The following DPY19L2 variants were observed in gnomAD, a reference collection of about 807,000 sequenced individuals.
The protein encoded by DPY19L2 is dpy-19 like 2, also known as probable C-mannosyltransferase DPY19L2.
In DPY19L2, 34 loss-of-function variants were observed where a neutral mutation model predicts 97.9. The observed-to-expected ratio is 0.35, with a 90% CI of 0.26 to 0.46. DPY19L2 has a LOEUF of 0.46. DPY19L2 is among the 20% of genes least tolerant of loss of function. The pLI is 1.00. For synonymous variants in DPY19L2, 230 were observed against 307.9 expected (o/e 0.75, Z 2.65); for missense variants, 623 against 911.4 (o/e 0.68, Z 4.07).
chr12:63,579,166 T>C (rs569096562), intron 19 of DPY19L2, among the ~76,000 whole-genome samples: 2 of 152,272 alleles, frequency 1.3e-5, no homozygotes, highest in East Asian at 3.9e-4. Flanking sequence ...TTCCTATCAC[T>C]GTATGGAAGT....
At chr12:63,578,686 A>C (rs1291128081) in intron 19 of DPY19L2, among the ~76,000 whole-genome samples, 2 of 152,272 alleles carry the variant, frequency 1.3e-5, no homozygotes, top group Admixed American at 1.3e-4. Context: ...AAATTTCTTT[A>C]TATGCCTCAA....
intron 4 of DPY19L2, among the ~76,000 whole-genome samples, chr12:63,658,841 C>A (rs1565854909): frequency 6.6e-6 from 1 of 152,116 alleles, no homozygotes; most frequent in African/African-American, 2.4e-5. Context: ...CTAGAAAATG[C>A]AAACTAAACC....
intron 12 of DPY19L2, among the ~76,000 whole-genome samples, chr12:63,605,545 G>A (rs922198888): frequency 7.9e-5 from 12 of 152,120 alleles, no homozygotes; most frequent in African/African-American, 2.7e-4. Flanking sequence ...GTGCACACAC[G>A]TGCAGTGAAA....
At chr12:63,653,485 T>C (rs1445059513) in intron 4 of DPY19L2, among the ~76,000 whole-genome samples, 1 of 151,884 alleles carries the variant, frequency 6.6e-6, no homozygotes, top group Non-Finnish European at 1.5e-5. Flanking sequence ...GAGTCAGAGG[T>C]TGCAGTGAGC....
At chr12:63,658,950 G>A (rs546491490) in intron 4 of DPY19L2, among the ~76,000 whole-genome samples, 78 of 152,296 alleles carry the variant, frequency 5.1e-4, no homozygotes, top group Non-Finnish European at 8.8e-4. Context: ...GGAAACTTCA[G>A]GATGAGGGAT....
chr12:63,621,133 A>G (rs182619573), intron 9 of DPY19L2, 105 bp downstream of exon 9: 2 of 832,932 alleles, frequency 2.4e-6, no homozygotes, highest in Admixed American at 2.7e-5. Context: ...ATAGATGCAA[A>G]AACCACCATG....
chr12:63,634,469 G>A lies in DPY19L2; in HGVS notation c.804-7943C>T, dbSNP rs118152196. Reference sequence around the variant, plus strand: ...TTGTCCAATAGTGGGTGCAGCCCACGGAGCAGGGTGGGGCATCACCTCACC... The same window carrying A: ...TTGTCCAATAGTGGGTGCAGCCCACAGAGCAGGGTGGGGCATCACCTCACC... On this transcript the variant is annotated intron_variant, in intron 6 of 21. Transcript: ENST00000324472. 2.8e-3 allele frequency among the ~76,000 whole-genome samples: 429 copies of A among 152,212 alleles called. 3 individuals are homozygous for A. Among genetic ancestry groups the A allele is most frequent in the Non-Finnish European group, 4.8e-3 (328 of 67,986 alleles).
intron 4 of DPY19L2, among the ~76,000 whole-genome samples, chr12:63,650,849 T>TCATAA (rs1894105738): frequency 6.6e-6 from 1 of 152,042 alleles, no homozygotes; most frequent in Non-Finnish European, 1.5e-5. Context: ...TTCTAAAACT[T>TCATAA]ATATGGATAC....
chr12:63,560,641 T>G lies in DPY19L2; in HGVS notation c.2148A>C (p.Glu716Asp). ...VRTKPGCSML[E>D]IWDVEDPSNA... ...TGGAAGGGTCTTCCACATCCCAGAT[T>G]TCAAGCATACTGCAACCAGGCCTGA... The change falls in exon 22 of 22, where the codon GAA becomes GAC. Residue 716 changes from glutamate (E) to aspartate (D), a missense_variant. By Grantham distance (45) the Glu-to-Asp change is conservative. Transcript: ENST00000324472. 6.2e-7 allele frequency: 1 copy of G among 1,613,960 alleles called. No individual in the cohort carries two copies. Among genetic ancestry groups the G allele is most frequent in the Non-Finnish European group, 8.5e-7 (1 of 1,179,926 alleles).
Position 63,587,792 on chromosome 12 carries a change from C to T in DPY19L2, c.1581-3956G>A, listed in dbSNP as rs1300600115. ...TTCACCGTGTTGGCCAGGATGGTCT[C>T]GATCTCCTGACCTCGTGATCCGCCC... On this transcript the variant is annotated intron_variant, in intron 16 of 21. Coordinates refer to ENST00000324472, the MANE Select transcript of DPY19L2 (RefSeq NM_173812.5). 7.9e-5 allele frequency among the ~76,000 whole-genome samples: 12 copies of T among 152,038 alleles called. No individual in the cohort carries two copies. In the South Asian group the frequency reaches 8.3e-4, roughly 11 times the overall value.
At chr12:63,604,477 T>C (rs1885710864) in intron 12 of DPY19L2, among the ~76,000 whole-genome samples, 1 of 152,122 alleles carries the variant, frequency 6.6e-6, no homozygotes, top group Non-Finnish European at 1.5e-5. Flanking sequence ...ATTTTGATGA[T>C]ACAAATATTA....
At chr12:63,616,416 T>C (rs1887833930) in intron 11 of DPY19L2, among the ~76,000 whole-genome samples, 1 of 152,170 alleles carries the variant, frequency 6.6e-6, no homozygotes, top group South Asian at 2.1e-4. Context: ...GGAAGAAGGA[T>C]ACGGAAAGCA....
chr12:63,610,935 C>T (rs1269248974), intron 11 of DPY19L2, among the ~76,000 whole-genome samples: 1 of 135,842 alleles, frequency 7.4e-6, no homozygotes, highest in African/African-American at 2.7e-5. Flanking sequence ...TAAACATTTC[C>T]CCAAAGAATA....
At chr12:63,664,352 A>AC (rs199684454) in intron 2 of DPY19L2, among the ~76,000 whole-genome samples, 2,631 of 151,744 alleles carry the variant, frequency 0.017, 82 homozygotes, top group African/African-American at 0.06. Context: ...AAACAAACAA[A>AC]AAAAAACAAA....
chr12:63,635,575 T>C (rs796448903), intron 6 of DPY19L2, among the ~76,000 whole-genome samples: 2 of 152,058 alleles, frequency 1.3e-5, no homozygotes, highest in African/African-American at 4.8e-5. Flanking sequence ...GAATAAACAG[T>C]GTAGAGAAGA....
chr12:63,599,907 A>C (rs1288034562), intron 13 of DPY19L2, among the ~76,000 whole-genome samples: 1 of 152,188 alleles, frequency 6.6e-6, no homozygotes, highest in Non-Finnish European at 1.5e-5. Context: ...CACAGTTATA[A>C]ATAAATAAAA....
intron 5 of DPY19L2, among the ~76,000 whole-genome samples, chr12:63,645,584 A>G (rs1382200539): frequency 7.2e-5 from 11 of 152,224 alleles, no homozygotes; most frequent in South Asian, 4.1e-4. Flanking sequence ...ACATAACAAT[A>G]CAAACCTGCT....
intron 4 of DPY19L2, among the ~76,000 whole-genome samples, chr12:63,653,035 T>C (rs976071739): frequency 3.3e-5 from 5 of 151,948 alleles, no homozygotes; most frequent in African/African-American, 1.2e-4. Flanking sequence ...CCTTAAATAA[T>C]GGATGGCGCA....
At chr12:63,621,770 A>G (rs1888731887) in intron 8 of DPY19L2, among the ~76,000 whole-genome samples, 1 of 152,184 alleles carries the variant, frequency 6.6e-6, no homozygotes, top group African/African-American at 2.4e-5. Context: ...AGTGCTGACA[A>G]AGTAATAAGT....
Sources: allele counts gnomAD v4.1 joint callset (sites outside exome capture counted in the v4.1 genomes callset), GRCh38; gene constraint gnomAD v4.1.1; transcripts MANE v1.5; gene names NCBI Gene and HGNC (gene_info 2026-07-23, HGNC 2026-07-21).